The following CACNG2 variants were observed in gnomAD, a reference collection of about 807,000 sequenced individuals.
CACNG2 encodes the protein calcium voltage-gated channel auxiliary subunit gamma 2.
In CACNG2, 3 loss-of-function variants were observed where a neutral mutation model predicts 25.9. That is an observed-to-expected ratio of 0.12 (90% CI 0.05 to 0.30). The LOEUF is 0.30. Among genes scored for constraint, CACNG2 ranks in the 10% least tolerant of loss-of-function variants. The pLI is 1.00. For missense variants in CACNG2, 341 were observed against 432.5 expected (o/e 0.79, Z 1.88); for synonymous variants, 167 against 173.3 (o/e 0.96, Z 0.29).
At chr22:36,599,332 A>T (rs1400664576) in intron 1 of CACNG2, among the ~76,000 whole-genome samples, 1 of 152,242 alleles carries the variant, frequency 6.6e-6, no homozygotes, top group African/African-American at 2.4e-5. Flanking sequence ...AAAACATGTT[A>T]TAGATTATTT....
At chr22:36,674,134 G>A (rs903377457) in intron 1 of CACNG2, among the ~76,000 whole-genome samples, 2 of 152,210 alleles carry the variant, frequency 1.3e-5, no homozygotes, top group African/African-American at 2.4e-5. Flanking sequence ...GAAGGCTGCA[G>A]GATGATGCTG....
In CACNG2 at chr22:36,643,052, CT is replaced by C. The variant is rs563660194; in HGVS notation, c.212-55505del. Among the ~76,000 whole-genome samples the C allele has an allele frequency of 1.8e-3, 247 of 134,990 alleles. 1 individual carries two copies. The highest frequency in any genetic ancestry group is 6.3e-3 in the African/African-American group (238 of 37,532). 88.6% of individuals were successfully genotyped at this position (134,990 alleles called of 152,430 possible). A position where few individuals can be genotyped will look rare whatever the true frequency, so the allele number is the denominator to read the frequency against. ...CCCTCCCTCCCTTTCTTCCTTCCTTCTTTCTCTCTTTATCTTCTTTTTCCTT... is the reference window on the plus strand; with the variant it reads ...CCCTCCCTCCCTTTCTTCCTTCCTTCTTCTCTCTTTATCTTCTTTTTCCTT... On this transcript the variant is annotated intron_variant, in intron 1 of 3. Coordinates refer to ENST00000300105, the MANE Select transcript of CACNG2 (RefSeq NM_006078.5).
chr22:36,666,108 C>A (rs972231072), intron 1 of CACNG2, among the ~76,000 whole-genome samples: 2 of 152,112 alleles, frequency 1.3e-5, no homozygotes, highest in Admixed American at 1.3e-4. Flanking sequence ...ATAAGCCAGA[C>A]AAAAAGATAA....
chr22:36,683,641 T>C (rs1937157121), intron 1 of CACNG2, among the ~76,000 whole-genome samples: 1 of 152,172 alleles, frequency 6.6e-6, no homozygotes, highest in South Asian at 2.1e-4. Context: ...AAACACCTCT[T>C]CCTACCAGAG....
At chr22:36,684,744 T>A (rs1333989380) in intron 1 of CACNG2, among the ~76,000 whole-genome samples, 2 of 152,218 alleles carry the variant, frequency 1.3e-5, no homozygotes, top group Admixed American at 1.3e-4. Flanking sequence ...TTTATTTTAA[T>A]TTTTATAACA....
chr22:36,632,346 G>A (rs1469888518), intron 1 of CACNG2, among the ~76,000 whole-genome samples: 1 of 151,970 alleles, frequency 6.6e-6, no homozygotes, highest in East Asian at 1.9e-4. Flanking sequence ...GGCCTCATTT[G>A]TAAAAAGGAA....
intron 1 of CACNG2, among the ~76,000 whole-genome samples, chr22:36,623,597 C>A (rs922670625): frequency 1.3e-5 from 2 of 152,042 alleles, no homozygotes; most frequent in African/African-American, 4.8e-5. Flanking sequence ...AGTCTGCCCC[C>A]GGTGACTTCG....
At chr22:36,586,734 G>A (rs1354844762) in intron 2 of CACNG2, among the ~76,000 whole-genome samples, 1 of 152,198 alleles carries the variant, frequency 6.6e-6, no homozygotes, top group Non-Finnish European at 1.5e-5. Context: ...GAGAACCTCG[G>A]CTTTGCTGTC....
At chr22:36,655,707 CTCTT>C (rs886658351) in intron 1 of CACNG2, among the ~76,000 whole-genome samples, 8 of 146,302 alleles carry the variant, frequency 5.5e-5, no homozygotes, top group African/African-American at 8.2e-5. Context: ...TTCTTTCTTT[CTCTT>C]TCTCTTTCTT....
chr22:36,657,532 G>A (rs1936726222), intron 1 of CACNG2, among the ~76,000 whole-genome samples: 2 of 152,036 alleles, frequency 1.3e-5, no homozygotes, highest in Non-Finnish European at 2.9e-5. Flanking sequence ...ACGGGGGCCG[G>A]AATTGCTTTT....
intron 1 of CACNG2, among the ~76,000 whole-genome samples, chr22:36,678,473 C>T (rs1937044745): frequency 6.6e-6 from 1 of 152,110 alleles, no homozygotes. Flanking sequence ...TCTCTCTACA[C>T]ACATTCACAT....
At chr22:36,691,584 G>C (rs766943540) in intron 1 of CACNG2, among the ~76,000 whole-genome samples, 1 of 152,208 alleles carries the variant, frequency 6.6e-6, no homozygotes, top group Non-Finnish European at 1.5e-5. Context: ...GATATAATTA[G>C]TGTCATAGAA....
chr22:36,616,944 C>T (rs909815515), intron 1 of CACNG2, among the ~76,000 whole-genome samples: 17 of 152,264 alleles, frequency 1.1e-4, no homozygotes, highest in African/African-American at 3.6e-4. Flanking sequence ...ACCATCCCTT[C>T]CCTCAAGAAT....
chr22:36,645,824 T>A (rs1936515209), intron 1 of CACNG2, among the ~76,000 whole-genome samples: 1 of 152,178 alleles, frequency 6.6e-6, no homozygotes, highest in Non-Finnish European at 1.5e-5. Context: ...TCCATTTCCA[T>A]AAACAAATGT....
intron 2 of CACNG2, among the ~76,000 whole-genome samples, chr22:36,576,365 G>A (rs1935312689): frequency 6.6e-6 from 1 of 152,098 alleles, no homozygotes; most frequent in South Asian, 2.1e-4. Context: ...ATGGACTCTG[G>A]GGATTCAGGG....
At chr22:36,569,330 A>T (rs188404319) in intron 2 of CACNG2, among the ~76,000 whole-genome samples, 16 of 152,242 alleles carry the variant, frequency 1.1e-4, no homozygotes, top group Admixed American at 9.8e-4. Context: ...GTGAACCAGG[A>T]TTCATATCCA....
intron 1 of CACNG2, among the ~76,000 whole-genome samples, chr22:36,618,380 A>G (rs1443697346): frequency 3.8e-5 from 3 of 79,084 alleles, no homozygotes; most frequent in Non-Finnish European, 7.4e-5. Context: ...CTGCCCTTAC[A>G]TGAGCGACTG....
chr22:36,698,473 C>CT (rs935084654), intron 1 of CACNG2, among the ~76,000 whole-genome samples: 1 of 151,550 alleles, frequency 6.6e-6, no homozygotes, highest in African/African-American at 2.4e-5. Context: ...AAGATGAATC[C>CT]TTTTTTTTTC....
chr22:36,621,313 G>A (rs569645204), intron 1 of CACNG2, among the ~76,000 whole-genome samples: 6 of 152,284 alleles, frequency 3.9e-5, no homozygotes, highest in African/African-American at 1.4e-4. Flanking sequence ...TTCAAAACCA[G>A]CCTGGCTTAC....
Sources: allele counts gnomAD v4.1 joint callset (sites outside exome capture counted in the v4.1 genomes callset), GRCh38; gene constraint gnomAD v4.1.1; transcripts MANE v1.5; gene names NCBI Gene and HGNC (gene_info 2026-07-23, HGNC 2026-07-21).